The following PAPPA2 variants were observed in gnomAD, a reference collection of about 807,000 sequenced individuals.
PAPPA2 encodes the protein pappalysin 2.
A neutral mutation model predicts 176.4 loss-of-function variants in PAPPA2; 86 were observed. The observed-to-expected ratio is 0.49, with a 90% CI of 0.41 to 0.58. The LOEUF (loss-of-function observed/expected upper bound fraction) is 0.58, where lower values mean the gene tolerates loss of function less well. PAPPA2 is among the 20% of genes least tolerant of loss of function. The pLI is 0.00. For missense variants in PAPPA2, 2,073 were observed against 2,256.9 expected (o/e 0.92, Z 1.65); for synonymous variants, 809 against 852.2 (o/e 0.95, Z 0.88).
At chr1:176,730,209 C>A (rs1302811770) in intron 12 of PAPPA2, among the ~76,000 whole-genome samples, 1 of 151,732 alleles carries the variant, frequency 6.6e-6, no homozygotes, top group Non-Finnish European at 1.5e-5. Flanking sequence ...TCTGTTTCTT[C>A]AAAATTTGGC....
intron 1 of PAPPA2, among the ~76,000 whole-genome samples, chr1:176,551,298 C>T (rs1235289156): frequency 1.3e-5 from 2 of 152,090 alleles, no homozygotes; most frequent in East Asian, 1.9e-4. Flanking sequence ...TGTTTGTTTC[C>T]GGGTGTCATT....
intron 21 of PAPPA2, among the ~76,000 whole-genome samples, chr1:176,806,166 C>A (rs1039328495): frequency 2.0e-5 from 3 of 152,114 alleles, no homozygotes; most frequent in African/African-American, 7.2e-5. Flanking sequence ...TCTGTCTGAG[C>A]CTGAGCTGCC....
chr1:176,493,597 C>T (rs1464802698), intron 1 of PAPPA2, among the ~76,000 whole-genome samples: 2 of 152,114 alleles, frequency 1.3e-5, no homozygotes, highest in Non-Finnish European at 2.9e-5. Context: ...ATATTCTTTG[C>T]AGGCAGGAAG....
intron 3 of PAPPA2, among the ~76,000 whole-genome samples, chr1:176,645,245 C>G (rs1047475844): frequency 1.3e-5 from 2 of 151,656 alleles, no homozygotes; most frequent in African/African-American, 2.4e-5. Flanking sequence ...TATCCTCCCT[C>G]CCTTCTATCA....
intron 1 of PAPPA2, among the ~76,000 whole-genome samples, chr1:176,479,142 C>A (rs954697481): frequency 2.5e-4 from 38 of 152,134 alleles, no homozygotes; most frequent in African/African-American, 9.2e-4. Context: ...ATACTATTAT[C>A]CCCATTTTGA....
At chr1:176,502,616 A>C (rs1011053462) in intron 1 of PAPPA2, among the ~76,000 whole-genome samples, 4 of 152,176 alleles carry the variant, frequency 2.6e-5, no homozygotes, top group African/African-American at 9.7e-5. Flanking sequence ...TATGTTTCAG[A>C]TGGTGGGGCA....
At chr1:176,536,018 T>A (rs115102086) in intron 1 of PAPPA2, among the ~76,000 whole-genome samples, 1 of 152,266 alleles carries the variant, frequency 6.6e-6, no homozygotes, top group Non-Finnish European at 1.5e-5. Flanking sequence ...GCATCTCAGC[T>A]GATGGAAGAA....
At chr1:176,503,316 AG>A (rs2102511896) in intron 1 of PAPPA2, among the ~76,000 whole-genome samples, 1 of 152,318 alleles carries the variant, frequency 6.6e-6, no homozygotes, top group South Asian at 2.1e-4. Flanking sequence ...CTTTGATTAC[AG>A]TGAACTCACC....
Position 176,594,851 on chromosome 1 carries a change from G to C in PAPPA2, c.1247G>C (p.Gly416Ala). Reference protein sequence around the residue: ...LLLGGDSSEDGHYFRGHLGTL... With the variant: ...LLLGGDSSEDAHYFRGHLGTL... Reference sequence around the variant, plus strand: ...CTGGGGGGAGACAGCTCTGAGGATGGGCACTATTTCCGTGGACACCTGGGC... The same window carrying C: ...CTGGGGGGAGACAGCTCTGAGGATGCGCACTATTTCCGTGGACACCTGGGC... The change falls in exon 3 of 23, where the codon GGG becomes GCG. Residue 416 changes from glycine to alanine, a missense_variant. Around this residue, in one of 4 missense-constraint regions of PAPPA2, gnomAD observed 1,196 missense variants for 1,330.4 expected, o/e 0.90. Coordinates refer to ENST00000367662, the MANE Select transcript of PAPPA2 (RefSeq NM_020318.3). The C allele has an allele frequency of 6.2e-7, 1 of 1,614,208 alleles. No individual in the cohort carries two copies. The highest frequency in any genetic ancestry group is 8.5e-7 in the Non-Finnish European group (1 of 1,180,044).
At chr1:176,824,232 T>C (rs967293160) in intron 21 of PAPPA2, among the ~76,000 whole-genome samples, 1 of 152,202 alleles carries the variant, frequency 6.6e-6, no homozygotes, top group African/African-American at 2.4e-5. Context: ...GCTGCCTGCA[T>C]AGTTGGAGGT....
chr1:176,650,086 G>A (rs1000496658), intron 3 of PAPPA2, among the ~76,000 whole-genome samples: 3 of 151,416 alleles, frequency 2.0e-5, no homozygotes, highest in African/African-American at 7.3e-5. Context: ...AGTGTTTGGT[G>A]CATAGATATT....
At chr1:176,676,462 A>G (rs1317095024) in intron 4 of PAPPA2, among the ~76,000 whole-genome samples, 4 of 152,096 alleles carry the variant, frequency 2.6e-5, no homozygotes, top group African/African-American at 9.7e-5. Flanking sequence ...AAGTGAAAAA[A>G]AAAAAGCCAA....
intron 21 of PAPPA2, among the ~76,000 whole-genome samples, chr1:176,832,756 A>T (rs1312032722): frequency 1.3e-5 from 2 of 152,214 alleles, no homozygotes; most frequent in African/African-American, 4.8e-5. Context: ...AATACAGATG[A>T]AAGATGTCTT....
intron 14 of PAPPA2, among the ~76,000 whole-genome samples, chr1:176,744,662 A>C (rs988913887): frequency 3.3e-5 from 5 of 152,110 alleles, no homozygotes; most frequent in Admixed American, 6.6e-5. Flanking sequence ...AACAGGGCCC[A>C]GTTTTCTCGT....
intron 3 of PAPPA2, among the ~76,000 whole-genome samples, chr1:176,602,240 T>A (rs1278598343): frequency 1.3e-5 from 2 of 152,216 alleles, no homozygotes; most frequent in East Asian, 3.9e-4. Flanking sequence ...CCCTGAGGTT[T>A]CACTGGGGAG....
chr1:176,687,776 G>T (rs536299760), intron 4 of PAPPA2, among the ~76,000 whole-genome samples: 1 of 151,932 alleles, frequency 6.6e-6, no homozygotes, highest in African/African-American at 2.4e-5. Flanking sequence ...AGTGTTTGTT[G>T]GATTGTGCTC....
chr1:176,841,434 C>A (rs774325686), intron 22 of PAPPA2, among the ~76,000 whole-genome samples: 1 of 152,022 alleles, frequency 6.6e-6, no homozygotes, highest in Non-Finnish European at 1.5e-5. Context: ...CACACAACCC[C>A]ACCCATTCTC....
At position 176,508,269 on chromosome 1, in the gene PAPPA2, A is replaced by T. The variant is rs1648405537; in HGVS notation, c.-917+44851A>T. Among the ~76,000 whole-genome samples the T allele has an allele frequency of 2.0e-5, 3 of 152,186 alleles. No homozygotes were observed. In the South Asian group the frequency reaches 6.2e-4, roughly 32 times the overall value. ...AATCATGTGAAAACAGGAAAATATG[A>T]TTCCATATCCAGTAAAATAAATCAG... On this transcript the variant is annotated intron_variant, in intron 1 of 22. Coordinates refer to ENST00000367662, the MANE Select transcript of PAPPA2 (RefSeq NM_020318.3).
chr1:176,736,980 A>G (rs1355611175), intron 12 of PAPPA2, among the ~76,000 whole-genome samples: 2 of 152,052 alleles, frequency 1.3e-5, no homozygotes. Flanking sequence ...TCAGAAAATC[A>G]TAATTCCCTC....
Sources: allele counts gnomAD v4.1 joint callset (sites outside exome capture counted in the v4.1 genomes callset), GRCh38; gene constraint gnomAD v4.1.1; regional missense constraint gnomAD v4.1.1; transcripts MANE v1.5; gene names NCBI Gene and HGNC (gene_info 2026-07-23, HGNC 2026-07-21).